Variants in HCRTR2 observed in about 807,000 individuals in gnomAD.
HCRTR2 encodes hypocretin receptor 2.
Under a neutral mutation model 49.0 loss-of-function variants are expected in HCRTR2, and 22 were observed. The ratio of observed to expected loss-of-function variants is 0.45; its 90% CI spans 0.32 to 0.64. The LOEUF is 0.64. Ranked by LOEUF, HCRTR2 falls within the 30% of genes least tolerant of loss-of-function variation. The pLI, the probability that HCRTR2 is intolerant of heterozygous loss-of-function variation, is 0.04. For missense variants in HCRTR2, 491 were observed against 559.4 expected, an observed-to-expected ratio of 0.88 and a Z score of 1.23; for synonymous variants, 236 against 205.3, an observed-to-expected ratio of 1.15 and a Z score of -1.28.
chr6:55,138,037 C>T (rs1764455572), intron 1 of HCRTR2, among the ~76,000 whole-genome samples: 1 of 152,080 alleles, frequency 6.6e-6, no homozygotes, highest in South Asian at 2.1e-4. Flanking sequence ...GGATATACTG[C>T]ATTTAATGTG....
chr6:55,187,427 A>G (rs1222133354), intron 1 of HCRTR2, among the ~76,000 whole-genome samples: 9 of 11,252 alleles, frequency 8.0e-4, no homozygotes, highest in African/African-American at 2.4e-3. Flanking sequence ...AAAAAAAAAA[A>G]AAAAAAAAAA....
At chr6:55,187,015 G>T (rs1765227400) in intron 1 of HCRTR2, among the ~76,000 whole-genome samples, 1 of 151,992 alleles carries the variant, frequency 6.6e-6, no homozygotes, top group Non-Finnish European at 1.5e-5. Context: ...TAGAGAATAG[G>T]AGAAACACTA....
rs575824571 is a variant in HCRTR2, at chr6:55,276,385, A to C, written c.763-995A>C. On this transcript the variant is annotated intron_variant, in intron 4 of 6. Coordinates refer to ENST00000370862, the MANE Select transcript of HCRTR2 (RefSeq NM_001384272.1). ...CAGACTTTGATCTGGTGGTGTAAAA[A>C]GCAACAAAATCTATCGAACATCTAT... 4.6e-5 allele frequency among the ~76,000 whole-genome samples: 7 copies of C among 152,344 alleles called. No homozygotes were observed. In the East Asian group the frequency reaches 1.4e-3, roughly 29 times the overall value.
intron 1 of HCRTR2, among the ~76,000 whole-genome samples, chr6:55,165,675 G>A (rs1337212772): frequency 7.1e-6 from 1 of 140,196 alleles, no homozygotes; most frequent in East Asian, 2.2e-4. Context: ...TCAAGAGTAT[G>A]AAAAGAAAAC....
Position 55,147,346 on chromosome 6 carries a change from G to A in HCRTR2, c.-377-26865G>A, listed in dbSNP as rs527324652. On this transcript the variant is annotated intron_variant, in intron 1 of 7. Transcript: ENST00000615358. ...TAGTGAATGTACAAGGGGAATATATGCTAACTAATAAATACAGTGGCTTAA... is the reference window on the plus strand; with the variant it reads ...TAGTGAATGTACAAGGGGAATATATACTAACTAATAAATACAGTGGCTTAA... Among the ~76,000 whole-genome samples, 11 of 152,214 alleles carry A rather than the reference G, an allele frequency of 7.2e-5. 3 individuals are homozygous for A. The highest frequency in any genetic ancestry group is 2.6e-4 in the African/African-American group (11 of 41,544).
At chr6:55,236,068 A>C (rs908833862) in intron 1 of HCRTR2, among the ~76,000 whole-genome samples, 1 of 152,076 alleles carries the variant, frequency 6.6e-6, no homozygotes, top group African/African-American at 2.4e-5. Context: ...TTTGGAATGC[A>C]TTGAATCCAT....
At chr6:55,184,841 C>A (rs1266452268) in intron 1 of HCRTR2, among the ~76,000 whole-genome samples, 3 of 152,156 alleles carry the variant, frequency 2.0e-5, no homozygotes, top group Non-Finnish European at 4.4e-5. Flanking sequence ...GGTTTATAAC[C>A]ATGTGAGGCC....
intron 3 of HCRTR2, among the ~76,000 whole-genome samples, chr6:55,255,750 A>G (rs1171745903): frequency 1.3e-5 from 2 of 152,194 alleles, no homozygotes; most frequent in Admixed American, 6.6e-5. Context: ...AGATGGTTCA[A>G]CACTGTGTTG....
intron 1 of HCRTR2, among the ~76,000 whole-genome samples, chr6:55,213,998 T>C (rs1388077325): frequency 6.8e-6 from 1 of 147,622 alleles, no homozygotes; most frequent in Non-Finnish European, 1.5e-5. Context: ...AAAAAATGAG[T>C]TTTTACCACA....
rs1458072962 is a variant in HCRTR2, at chr6:55,114,287, A to G, written c.-378+7742A>G. On this transcript the variant is annotated intron_variant, in intron 1 of 7. Transcript: ENST00000615358. ...ACCTATTGAAATGAAAAAATAAAAT[A>G]TATCATTCAAATTAAAAAAAAGTGA... is the stretch of plus-strand genomic sequence containing the variant. Among the ~76,000 whole-genome samples, 4 of 57,046 alleles carry G rather than the reference A, an allele frequency of 7.0e-5. No individual in the cohort carries two copies. In the Admixed American group the frequency reaches 9.8e-4, roughly 14 times the overall value. 37.4% of individuals were successfully genotyped at this position (57,046 alleles called of 152,430 possible).
intron 1 of HCRTR2, among the ~76,000 whole-genome samples, chr6:55,138,113 TATTTTGCATGA>T (rs1764456400): frequency 6.6e-6 from 1 of 152,158 alleles, no homozygotes; most frequent in Non-Finnish European, 1.5e-5. Context: ...TTTTAAAGCT[TATTTTGCATGA>T]TCAGCAAATA....
chr6:55,281,296 A>G (rs1767185363), intron 6 of HCRTR2, among the ~76,000 whole-genome samples: 2 of 152,200 alleles, frequency 1.3e-5, no homozygotes, highest in African/African-American at 2.4e-5. Flanking sequence ...TTGATGAGAA[A>G]TAATTTTGTT....
chr6:55,152,362 A>G (rs560590493), intron 1 of HCRTR2, among the ~76,000 whole-genome samples: 1 of 152,020 alleles, frequency 6.6e-6, no homozygotes, highest in African/African-American at 2.4e-5. Flanking sequence ...CCTTTTGGCC[A>G]TTCATATGTT....
At chr6:55,141,999 C>T (rs7767652) in intron 1 of HCRTR2, among the ~76,000 whole-genome samples, 36,548 of 151,650 alleles carry the variant, frequency 0.24, 4,763 homozygotes, top group African/African-American at 0.31. Context: ...ACATTATAAT[C>T]AAAGAAAGTA....
intron 1 of HCRTR2, among the ~76,000 whole-genome samples, chr6:55,237,800 T>C (rs1055220838): frequency 6.6e-6 from 1 of 152,230 alleles, no homozygotes; most frequent in African/African-American, 2.4e-5. Context: ...TATTTTGTAA[T>C]AGTAAAACAA....
At chr6:55,216,852 A>G (rs1304184234) in intron 1 of HCRTR2, among the ~76,000 whole-genome samples, 1 of 152,180 alleles carries the variant, frequency 6.6e-6, no homozygotes, top group East Asian at 1.9e-4. Flanking sequence ...TGGGGCTCTC[A>G]GCCATGGCTC....
intron 1 of HCRTR2, among the ~76,000 whole-genome samples, chr6:55,222,056 A>G (rs1207126385): frequency 2.0e-5 from 3 of 152,148 alleles, no homozygotes; most frequent in Non-Finnish European, 2.9e-5. Context: ...TTTGCAAACC[A>G]TATATCTGAT....
At chr6:55,164,200 G>A (rs1265472840) in intron 1 of HCRTR2, among the ~76,000 whole-genome samples, 1 of 152,180 alleles carries the variant, frequency 6.6e-6, no homozygotes, top group Non-Finnish European at 1.5e-5. Flanking sequence ...TTCAACCATT[G>A]TGGAAGACAG....
chr6:55,219,139 A>G (rs1765843786), intron 1 of HCRTR2, among the ~76,000 whole-genome samples: 1 of 152,204 alleles, frequency 6.6e-6, no homozygotes. Context: ...TCAAAAATTG[A>G]TAGAACATCC....
Sources: gnomAD v4.1 joint callset for allele counts (sites outside exome capture counted in the v4.1 genomes callset) on GRCh38, gnomAD v4.1.1 for gene constraint, MANE v1.5 for transcripts, NCBI Gene and HGNC (gene_info 2026-07-23, HGNC 2026-07-21) for gene names.